The following RNF8 variants were observed in gnomAD, a reference collection of about 807,000 sequenced individuals.
RNF8 encodes the protein ring finger protein 8, also known as E3 ubiquitin-protein ligase RNF8.
A neutral mutation model predicts 59.3 loss-of-function variants in RNF8; 8 were observed. That is an observed-to-expected ratio of 0.13 (90% confidence interval 0.08 to 0.24). The LOEUF is 0.24. Among genes scored for constraint, RNF8 ranks in the 10% least tolerant of loss-of-function variants. The pLI, the probability that RNF8 is intolerant of heterozygous loss-of-function variation, is 1.00. For synonymous variants in RNF8, 162 were observed against 200.0 expected (o/e 0.81, Z 1.60); for missense variants, 406 against 572.6 (o/e 0.71, Z 2.97).
intron 2 of RNF8, among the ~76,000 whole-genome samples, chr6:37,364,812 C>T (rs1769479046): frequency 6.6e-6 from 1 of 152,022 alleles, no homozygotes; most frequent in African/African-American, 2.4e-5. Flanking sequence ...CTCTTTTTGC[C>T]CAGGCTGGAG....
At chr6:37,385,564 T>C (rs1479349302) in intron 7 of RNF8, among the ~76,000 whole-genome samples, 1 of 151,610 alleles carries the variant, frequency 6.6e-6, no homozygotes. Context: ...GAGGCTGAGG[T>C]TGCAGTGAGC....
chr6:37,385,636 A>G (rs1182539032), intron 7 of RNF8, among the ~76,000 whole-genome samples: 1 of 151,992 alleles, frequency 6.6e-6, no homozygotes, highest in Non-Finnish European at 1.5e-5. Context: ...AAAAACGAAA[A>G]AGAAGAAGAA....
At chr6:37,388,764 C>A (rs974182329) in intron 7 of RNF8, among the ~76,000 whole-genome samples, 2 of 146,464 alleles carry the variant, frequency 1.4e-5, no homozygotes, top group Admixed American at 6.7e-5. Flanking sequence ...CATAGTGAGA[C>A]CCCCATCTCA....
chr6:37,359,001 CAGG>C (rs1769218248), intron 1 of RNF8, among the ~76,000 whole-genome samples: 1 of 152,070 alleles, frequency 6.6e-6, no homozygotes, highest in Non-Finnish European at 1.5e-5. Context: ...GAAGCTGAGG[CAGG>C]AGAATTGCTT....
In RNF8 at chr6:37,390,941, C is replaced by G. The variant is rs377277354; in HGVS notation, c.*183C>G. ...CCACGGTGGCCAGCCCTGCTGCCAT[C>G]ATTGGCTGAAGCACCACCAGGATTC... On this transcript the variant is annotated 3_prime_UTR_variant, in exon 8 of 8. Transcript: ENST00000373479. 1.1e-6 allele frequency: 1 copy of G among 944,370 alleles called. No homozygotes were observed. The highest frequency in any genetic ancestry group is 1.4e-5 in the South Asian group (1 of 73,124). 58.5% of individuals were successfully genotyped at this position (944,370 alleles called of 1,614,324 possible). A position where few individuals can be genotyped will look rare whatever the true frequency, so the allele number is the denominator to read the frequency against.
intron 2 of RNF8, 118 bp from the exon 3 acceptor site, chr6:37,368,366 T>C (rs1448284114): frequency 1.2e-6 from 2 of 1,606,798 alleles, no homozygotes; most frequent in South Asian, 1.1e-5. Flanking sequence ...TTCTTTTCTA[T>C]TTGTTATCAA....
At chr6:37,380,573 A>C (rs1770211641) in intron 6 of RNF8, among the ~76,000 whole-genome samples, 1 of 149,870 alleles carries the variant, frequency 6.7e-6, no homozygotes, top group Admixed American at 6.6e-5. Context: ...CGGGAGGCTG[A>C]GGCAGGAGAA....
chr6:37,385,555 A>C (rs1770460577), intron 7 of RNF8, among the ~76,000 whole-genome samples: 1 of 151,932 alleles, frequency 6.6e-6, no homozygotes. Flanking sequence ...TGAACCTGGG[A>C]GGCTGAGGTT....
Position 37,370,040 on chromosome 6 carries a change from C to T in RNF8, c.975+822C>T, listed in dbSNP as rs1769738961. The T allele has an allele frequency of 2.0e-5, 3 of 152,202 alleles. No individual in the cohort carries two copies. The South Asian group carries it at 6.2e-4, about 32-fold the overall frequency. 9.4% of individuals were successfully genotyped at this position (152,202 alleles called of 1,614,324 possible). A position where few individuals can be genotyped will look rare whatever the true frequency, so the allele number is the denominator to read the frequency against. Reference sequence around the variant, plus strand: ...TCTGGCAGGAACCACATATTTTGCTCCCACCCAGTTGCTCAGATAATATTG... The same window carrying T: ...TCTGGCAGGAACCACATATTTTGCTTCCACCCAGTTGCTCAGATAATATTG... On this transcript the variant is annotated intron_variant, in intron 3 of 7. Coordinates refer to ENST00000373479, the MANE Select transcript of RNF8 (RefSeq NM_003958.4).
At chr6:37,377,778 C>T (rs1770083247) in intron 6 of RNF8, among the ~76,000 whole-genome samples, 1 of 152,138 alleles carries the variant, frequency 6.6e-6, no homozygotes, top group Non-Finnish European at 1.5e-5. Context: ...AGGGGGTAAA[C>T]GTCATTAAAA....
chr6:37,381,456 T>A, intron 7 of RNF8, 102 bp downstream of exon 7: 1 of 1,001,268 alleles, frequency 1.0e-6, no homozygotes, highest in Non-Finnish European at 1.5e-6. Flanking sequence ...AAACAATTCT[T>A]GAACTAGGGA....
Position 37,371,493 on chromosome 6 carries a change from T to C in RNF8, c.976-19T>C. The C allele has an allele frequency of 6.2e-7, 1 of 1,611,618 alleles. No homozygotes were observed. The highest frequency in any genetic ancestry group is 8.5e-7 in the Non-Finnish European group (1 of 1,178,168). ...CTTTTCCCTGCAGAGAAACCTTCCA[T>C]TTTGTTTTGGCTTTGCAGGGTTTGG... On this transcript the variant is annotated intron_variant, in intron 3 of 7. Coordinates refer to ENST00000373479, the MANE Select transcript of RNF8 (RefSeq NM_003958.4).
At chr6:37,359,950 G>A in intron 1 of RNF8, among the ~76,000 whole-genome samples, 1 of 152,230 alleles carries the variant, frequency 6.6e-6, no homozygotes, top group East Asian at 1.9e-4. Context: ...ACCAGGAAAA[G>A]AGAAAACTCA....
At chr6:37,363,328 C>T (rs922854452) in intron 2 of RNF8, among the ~76,000 whole-genome samples, 3 of 152,086 alleles carry the variant, frequency 2.0e-5, no homozygotes, top group Non-Finnish European at 2.9e-5. Context: ...AGCGTTCATT[C>T]GTCAAAAAAC....
rs1446187699 is a variant in RNF8 at position 37,390,843 on chromosome 6, G to A, written c.*85G>A. 4.3e-6 allele frequency: 7 copies of A among 1,612,704 alleles called. No homozygotes were observed. Among genetic ancestry groups the A allele is most frequent in the Admixed American group, 1.7e-5 (1 of 60,002 alleles). Reference sequence around the variant, plus strand: ...GAGGATTCTCTCTAGCCGTGACTCCGCTGCTCTGAAGGTCAACTGAGAAGT... The same window carrying A: ...GAGGATTCTCTCTAGCCGTGACTCCACTGCTCTGAAGGTCAACTGAGAAGT... On this transcript the variant is annotated 3_prime_UTR_variant, in exon 8 of 8. Coordinates refer to ENST00000373479, the MANE Select transcript of RNF8 (RefSeq NM_003958.4).
chr6:37,354,417 G>C (rs540682408), intron 1 of RNF8, 142 bp downstream of exon 1: 15 of 691,140 alleles, frequency 2.2e-5, no homozygotes, highest in Admixed American at 5.9e-5. Context: ...TGTCTGTGGG[G>C]GGGGTGGATT....
At chr6:37,363,213 C>G (rs1047776072) in intron 2 of RNF8, among the ~76,000 whole-genome samples, 1 of 152,162 alleles carries the variant, frequency 6.6e-6, no homozygotes, top group African/African-American at 2.4e-5. Flanking sequence ...TGGGACAGTT[C>G]AGCTTCTGGT....
intron 2 of RNF8, among the ~76,000 whole-genome samples, chr6:37,367,480 G>A (rs1227668669): frequency 6.6e-6 from 1 of 152,058 alleles, no homozygotes; most frequent in African/African-American, 2.4e-5. Context: ...CTTGGCTCAC[G>A]GCATCCTCTG....
Position 37,369,186 on chromosome 6 carries a change from A to G in RNF8, c.943A>G (p.Lys315Glu), listed in dbSNP as rs773705343. Reference protein sequence around the residue: ...QQQARVEQLEKTFQEEEQHLQ... With the variant: ...QQQARVEQLEETFQEEEQHLQ... ...GCAGGCAAGAGTGGAGCAACTAGAG[A>G]AGACTTTCCAGGAAGAGGAACAGCA... Residue 315 changes from lysine to glutamate, a missense_variant, in exon 3 of 8, where the codon AAG becomes GAG. Physicochemically the swap from Lys to Glu is moderately conservative, Grantham distance 56. Transcript: ENST00000373479. The G allele has an allele frequency of 5.6e-6, 9 of 1,612,626 alleles. No individual in the cohort carries two copies. The highest frequency in any genetic ancestry group is 1.6e-4 in the Middle Eastern group (1 of 6,072).
Sources: allele counts gnomAD v4.1 joint callset (sites outside exome capture counted in the v4.1 genomes callset), GRCh38; gene constraint gnomAD v4.1.1; transcripts MANE v1.5; gene names NCBI Gene and HGNC (gene_info 2026-07-23, HGNC 2026-07-21).